Variants in DCDC2 observed in about 807,000 individuals in gnomAD.
DCDC2 encodes the protein doublecortin domain containing 2.
In DCDC2, 40 loss-of-function variants were observed where a neutral mutation model predicts 50.2. The observed-to-expected ratio is 0.80, with a 90% CI of 0.62 to 1.04. The LOEUF (loss-of-function observed/expected upper bound fraction) is 1.04. Among genes scored for constraint, DCDC2 ranks in the 50% least tolerant of loss-of-function variants. DCDC2 has a pLI of 0.00. For synonymous variants in DCDC2, 234 were observed against 210.6 expected (o/e 1.11, Z -0.96); for missense variants, 570 against 581.9 (o/e 0.98, Z 0.21).
intron 2 of DCDC2, among the ~76,000 whole-genome samples, chr6:24,350,474 T>A (rs897463582): frequency 5.3e-5 from 8 of 152,170 alleles, no homozygotes; most frequent in Admixed American, 5.2e-4. Context: ...AGAATTAGTA[T>A]GTTTTAGGCA....
chr6:24,367,962 T>A, the DCDC2 span, among the ~76,000 whole-genome samples: 2 of 152,154 alleles, frequency 1.3e-5, no homozygotes, highest in Non-Finnish European at 1.5e-5. Flanking sequence ...CCAAAGGTTT[T>A]TTTAAAAAAT....
At chr6:24,382,014 A>G in the DCDC2 span, among the ~76,000 whole-genome samples, 1 of 119,682 alleles carries the variant, frequency 8.4e-6, no homozygotes, top group Admixed American at 7.6e-5. Flanking sequence ...GAAGGAAGGC[A>G]GGCAAGCTAT....
At chr6:24,337,797 C>CAA (rs34344592) in intron 2 of DCDC2, among the ~76,000 whole-genome samples, 73,423 of 126,168 alleles carry the variant, frequency 0.58, 22,383 homozygotes, top group East Asian at 0.77. Flanking sequence ...GACTCCGTCT[C>CAA]AAAAAAAAAA....
intron 2 of DCDC2, among the ~76,000 whole-genome samples, chr6:24,351,827 C>T (rs533922745): frequency 7.2e-5 from 11 of 152,260 alleles, no homozygotes; most frequent in South Asian, 2.1e-4. Flanking sequence ...ATTTTAAGGC[C>T]GGGCTTGGTG....
chr6:24,221,584 A>C (rs1762118549), intron 7 of DCDC2, among the ~76,000 whole-genome samples: 1 of 152,222 alleles, frequency 6.6e-6, no homozygotes. Context: ...CTCTTCACAC[A>C]CAACATGGTC....
At chr6:24,298,883 A>G (rs1319462031) in intron 4 of DCDC2, among the ~76,000 whole-genome samples, 1 of 152,212 alleles carries the variant, frequency 6.6e-6, no homozygotes, top group Admixed American at 6.5e-5. Flanking sequence ...TTTGAAACTT[A>G]ATACAACAAT....
At chr6:24,256,278 T>G (rs1762896666) in intron 7 of DCDC2, among the ~76,000 whole-genome samples, 4 of 151,636 alleles carry the variant, frequency 2.6e-5, no homozygotes, top group Admixed American at 6.6e-5. Flanking sequence ...CTGGACATTT[T>G]TTTTTTTTTT....
intron 7 of DCDC2, among the ~76,000 whole-genome samples, chr6:24,273,613 C>T (rs1050939285): frequency 3.3e-5 from 5 of 152,170 alleles, no homozygotes; most frequent in African/African-American, 4.8e-5. Flanking sequence ...GGAGGTAACA[C>T]GTGAGAGAGC....
At chr6:24,341,148 A>T (rs1450297186) in intron 2 of DCDC2, among the ~76,000 whole-genome samples, 1 of 152,220 alleles carries the variant, frequency 6.6e-6, no homozygotes, top group Non-Finnish European at 1.5e-5. Flanking sequence ...TGCTAGAAAG[A>T]GGGAAAAAAT....
chr6:24,179,240 C>T (rs943470459), intron 8 of DCDC2, among the ~76,000 whole-genome samples: 1 of 151,992 alleles, frequency 6.6e-6, no homozygotes, highest in African/African-American at 2.4e-5. Context: ...ACTATATGTC[C>T]TCTCTGTAAG....
chr6:24,176,325 TC>T (rs1760911321), intron 9 of DCDC2, among the ~76,000 whole-genome samples: 1 of 64,014 alleles, frequency 1.6e-5, no homozygotes, highest in Non-Finnish European at 4.6e-5. Context: ...AGATGTTGTC[TC>T]AAAAAAAAAA....
In DCDC2 at chr6:24,210,058, GTC is replaced by G. The variant is rs1413135489; in HGVS notation, c.923-4958_923-4957del. ...TGTGTGTGTGTGTGTGTGTGTGTCT[GTC>G]TGTCTGTCTGTCTGCCTGCCTGCCT... On this transcript the variant is annotated intron_variant, in intron 7 of 9. Transcript: ENST00000378454. 9.4e-5 allele frequency among the ~76,000 whole-genome samples: 14 copies of G among 148,620 alleles called. No homozygotes were observed. The East Asian group carries it at 1.4e-3, about 15-fold the overall frequency.
intron 6 of DCDC2, among the ~76,000 whole-genome samples, chr6:24,282,729 C>T (rs1215265886): frequency 8.1e-6 from 1 of 123,912 alleles, no homozygotes; most frequent in South Asian, 2.6e-4. Flanking sequence ...GCAGCCTTCA[C>T]GATGTATTTC....
At chr6:24,347,759 A>T (rs1291129463) in intron 2 of DCDC2, among the ~76,000 whole-genome samples, 1 of 152,218 alleles carries the variant, frequency 6.6e-6, no homozygotes, top group Non-Finnish European at 1.5e-5. Context: ...AAATTATCCT[A>T]CAGGGGCAAT....
At chr6:24,220,292 G>C (rs1038313147) in intron 7 of DCDC2, among the ~76,000 whole-genome samples, 1 of 152,052 alleles carries the variant, frequency 6.6e-6, no homozygotes, top group Non-Finnish European at 1.5e-5. Flanking sequence ...ACTTAAAATT[G>C]GCATTGCACA....
chr6:24,312,708 A>G (rs930125129), intron 2 of DCDC2, among the ~76,000 whole-genome samples: 2 of 152,106 alleles, frequency 1.3e-5, no homozygotes, highest in African/African-American at 4.8e-5. Flanking sequence ...CCTTATTCAG[A>G]TGGCTATTTT....
intron 7 of DCDC2, among the ~76,000 whole-genome samples, chr6:24,219,743 G>C (rs1212218624): frequency 5.3e-5 from 8 of 152,154 alleles, no homozygotes; most frequent in Non-Finnish European, 1.2e-4. Context: ...CCTTGAACTT[G>C]TGTGCTTTGT....
At chr6:24,228,271 C>G (rs1046920307) in intron 7 of DCDC2, among the ~76,000 whole-genome samples, 1 of 152,208 alleles carries the variant, frequency 6.6e-6, no homozygotes, top group African/African-American at 2.4e-5. Flanking sequence ...GTAGAAATGT[C>G]TGCACCCAGC....
At chr6:24,254,256 A>G (rs1464155085) in intron 7 of DCDC2, among the ~76,000 whole-genome samples, 7 of 152,170 alleles carry the variant, frequency 4.6e-5, no homozygotes, top group Admixed American at 1.3e-4. Context: ...TATAACTTTT[A>G]TAAGTAGGAA....
Sources: allele counts gnomAD v4.1 joint callset (sites outside exome capture counted in the v4.1 genomes callset), GRCh38; gene constraint gnomAD v4.1.1; transcripts MANE v1.5; gene names NCBI Gene and HGNC (gene_info 2026-07-23, HGNC 2026-07-21).